Variants in RBMS3 observed in about 807,000 individuals in gnomAD.
RBMS3 encodes RNA binding motif single stranded interacting protein 3.
In RBMS3, 27 loss-of-function variants were observed where a neutral mutation model predicts 66.8. The ratio of observed to expected loss-of-function variants is 0.40; its 90% CI spans 0.30 to 0.56. RBMS3 has a LOEUF of 0.56. Ranked by LOEUF, RBMS3 falls within the 20% of genes least tolerant of loss-of-function variation. RBMS3 has a pLI of 0.40. For missense variants in RBMS3, 513 were observed against 549.5 expected (o/e 0.93, Z 0.66); for synonymous variants, 188 against 183.0 (o/e 1.03, Z -0.22).
intron 1 of RBMS3, among the ~76,000 whole-genome samples, chr3:29,304,235 C>G (rs1482348349): frequency 6.6e-6 from 1 of 151,942 alleles, no homozygotes; most frequent in Non-Finnish European, 1.5e-5. Flanking sequence ...GTCTTTTTCT[C>G]TAGGAGATTA....
At chr3:29,574,262 T>A (rs78299287) in intron 3 of RBMS3, among the ~76,000 whole-genome samples, 5,272 of 152,274 alleles carry the variant, frequency 0.035, 111 homozygotes, top group African/African-American at 0.057. Flanking sequence ...CACATATATT[T>A]AGAATTGTTA....
chr3:29,315,469 C>T (rs2034617445), intron 1 of RBMS3, among the ~76,000 whole-genome samples: 1 of 151,698 alleles, frequency 6.6e-6, no homozygotes, highest in Non-Finnish European at 1.5e-5. Flanking sequence ...TATTTGTGCA[C>T]ATGTATATAC....
chr3:29,633,278 T>A (rs563207430), intron 4 of RBMS3, among the ~76,000 whole-genome samples: 2 of 151,862 alleles, frequency 1.3e-5, no homozygotes, highest in Non-Finnish European at 2.9e-5. Context: ...TCTTCATATA[T>A]CCTCTAATAA....
At chr3:29,887,725 T>G (rs2059905432) in intron 8 of RBMS3, among the ~76,000 whole-genome samples, 1 of 151,678 alleles carries the variant, frequency 6.6e-6, no homozygotes, top group African/African-American at 2.4e-5. Flanking sequence ...TAAAACAAAC[T>G]AAGACTCATT....
At chr3:29,974,870 TTATA>T (rs1271398708) in intron 12 of RBMS3, among the ~76,000 whole-genome samples, 1 of 144,722 alleles carries the variant, frequency 6.9e-6, no homozygotes, top group Non-Finnish European at 1.5e-5. Context: ...GTTTCTATAT[TTATA>T]TATTTTATAT....
intron 1 of RBMS3, among the ~76,000 whole-genome samples, chr3:29,366,869 T>C (rs529435771): frequency 2.6e-4 from 40 of 152,340 alleles, no homozygotes; most frequent in African/African-American, 9.6e-4. Flanking sequence ...AAAAAATCTA[T>C]AGCTTGACAT....
intron 1 of RBMS3, among the ~76,000 whole-genome samples, chr3:29,321,521 T>C (rs1461864360): frequency 6.6e-6 from 1 of 152,146 alleles, no homozygotes; most frequent in Non-Finnish European, 1.5e-5. Context: ...AAACTCATGT[T>C]GTGAGCTTTC....
intron 5 of RBMS3, among the ~76,000 whole-genome samples, chr3:29,762,122 G>A (rs2055715091): frequency 6.6e-6 from 1 of 152,084 alleles, no homozygotes; most frequent in Non-Finnish European, 1.5e-5. Flanking sequence ...TAGGTTGTAT[G>A]TGAGATGCCA....
intron 1 of RBMS3, among the ~76,000 whole-genome samples, chr3:29,429,272 G>A (rs867942317): frequency 3.3e-5 from 5 of 152,090 alleles, no homozygotes; most frequent in South Asian, 4.1e-4. Flanking sequence ...AAGCACAAAC[G>A]GATGCTACCT....
At chr3:29,592,932 C>T (rs1183605615) in intron 4 of RBMS3, among the ~76,000 whole-genome samples, 1 of 146,536 alleles carries the variant, frequency 6.8e-6, no homozygotes, top group East Asian at 2.0e-4. Context: ...ACCGCATGTT[C>T]TCACTCATAG....
chr3:29,386,072 G>T (rs1397573480), intron 1 of RBMS3, among the ~76,000 whole-genome samples: 1 of 152,082 alleles, frequency 6.6e-6, no homozygotes, highest in African/African-American at 2.4e-5. Flanking sequence ...AAACTCGCTT[G>T]TCCCTCTCTC....
At chr3:29,390,625 A>G (rs1411203289) in intron 1 of RBMS3, among the ~76,000 whole-genome samples, 4 of 152,200 alleles carry the variant, frequency 2.6e-5, no homozygotes. Flanking sequence ...GAAGAGCCCC[A>G]TGGTTGATTA....
chr3:29,358,699 T>G (rs1419237775), intron 1 of RBMS3, among the ~76,000 whole-genome samples: 1 of 152,154 alleles, frequency 6.6e-6, no homozygotes. Flanking sequence ...TCTTCCATTT[T>G]TTTGTGTCCT....
chr3:29,942,520 C>A lies in RBMS3; in HGVS notation c.1051-1687C>A, dbSNP rs75939065. ...CCTGAATGATGGAGTGAAACCCTGT[C>A]GAAAGAGAAAGAGAGAGAAAGAGAA... On this transcript the variant is annotated intron_variant, in intron 11 of 14. Transcript: ENST00000383767. Among the ~76,000 whole-genome samples, 496 of 150,712 alleles carry A rather than the reference C, an allele frequency of 3.3e-3. 13 individuals are homozygous for A. In the East Asian group the frequency reaches 0.039, roughly 12 times the overall value.
rs192063996 is a variant in RBMS3 at position 29,988,248 on chromosome 3, G to A, written c.1179+25G>A. 2.6e-5 allele frequency: 40 copies of A among 1,555,588 alleles called. No individual in the cohort carries two copies. In the African/African-American group the frequency reaches 4.6e-4, roughly 18 times the overall value. On this transcript the variant is annotated intron_variant, in intron 13 of 14. Transcript: ENST00000383767. ...AGTAAGTCTACCCCTGTCTAATAAA[G>A]AGGTTAGAAGAAATAAATCTCAGTC...
chr3:29,485,919 G>A (rs2043301002), intron 2 of RBMS3, among the ~76,000 whole-genome samples: 1 of 152,098 alleles, frequency 6.6e-6, no homozygotes, highest in Non-Finnish European at 1.5e-5. Flanking sequence ...ACCCTAAGAA[G>A]GGAAAGAGTA....
Position 29,757,400 on chromosome 3 carries a change from C to T in RBMS3, c.558-5510C>T, listed in dbSNP as rs186056510. Among the ~76,000 whole-genome samples, 177 of 152,322 alleles carry T rather than the reference C, an allele frequency of 1.2e-3. 1 individual carries two copies. The highest frequency in any genetic ancestry group is 4.1e-3 in the African/African-American group (171 of 41,562). On this transcript the variant is annotated intron_variant, in intron 5 of 14. Transcript: ENST00000383767. ...TCTCCCAAGTTTCAAATGTTGACAA[C>T]CATTTCAAAATTTCCAAAATCTCTT... is the stretch of plus-strand genomic sequence containing the variant.
chr3:29,994,071 T>C (rs1383080301), intron 14 of RBMS3, among the ~76,000 whole-genome samples: 2 of 152,106 alleles, frequency 1.3e-5, no homozygotes, highest in African/African-American at 4.8e-5. Context: ...AGTGGGTGCA[T>C]GCACCGTGCG....
At chr3:29,296,881 T>C (rs1355417248) in intron 1 of RBMS3, among the ~76,000 whole-genome samples, 1 of 149,590 alleles carries the variant, frequency 6.7e-6, no homozygotes, top group East Asian at 2.0e-4. Context: ...AAGATGACCT[T>C]TTTTTTTTTA....
Sources: allele counts gnomAD v4.1 joint callset (sites outside exome capture counted in the v4.1 genomes callset), GRCh38; gene constraint gnomAD v4.1.1; transcripts MANE v1.5; gene names NCBI Gene and HGNC (gene_info 2026-07-23, HGNC 2026-07-21).